The following CHRM3 variants were observed in gnomAD, a reference collection of about 807,000 sequenced individuals.
CHRM3 encodes muscarinic acetylcholine receptor M3.
CHRM3 carries 11 observed loss-of-function variants against 41.8 expected under a neutral mutation model. The observed-to-expected ratio is 0.26, with a 90% CI of 0.17 to 0.44. The LOEUF (loss-of-function observed/expected upper bound fraction) is 0.44, where lower values mean the gene tolerates loss of function less well. CHRM3 is among the 20% of genes least tolerant of loss of function. The pLI, the probability that CHRM3 is intolerant of heterozygous loss-of-function variation, is 1.00. For missense variants in CHRM3, 571 were observed against 745.4 expected (o/e 0.77, Z 2.72); for synonymous variants, 297 against 301.4 (o/e 0.99, Z 0.15).
chr1:239,723,367 T>C (rs1306036834), intron 5 of CHRM3, among the ~76,000 whole-genome samples: 1 of 151,994 alleles, frequency 6.6e-6, no homozygotes, highest in Non-Finnish European at 1.5e-5. Context: ...GTTTTGTCAA[T>C]ATTTTTCTTT....
intron 5 of CHRM3, among the ~76,000 whole-genome samples, chr1:239,750,418 T>G (rs1359812507): frequency 6.6e-6 from 1 of 152,352 alleles, no homozygotes; most frequent in South Asian, 2.1e-4. Flanking sequence ...AGAAGTCTCT[T>G]TGACAGCTTG....
At chr1:239,535,135 G>C (rs768602802) in intron 2 of CHRM3, among the ~76,000 whole-genome samples, 2 of 152,074 alleles carry the variant, frequency 1.3e-5, no homozygotes, top group African/African-American at 4.8e-5. Context: ...CTCAGAAGTG[G>C]AATTAATTCA....
intron 5 of CHRM3, among the ~76,000 whole-genome samples, chr1:239,744,772 T>C (rs999088650): frequency 6.6e-6 from 1 of 152,058 alleles, no homozygotes; most frequent in Non-Finnish European, 1.5e-5. Flanking sequence ...TCTGGGCTGG[T>C]AAATACCCAT....
chr1:239,866,261 C>T (rs1676091431), intron 6 of CHRM3, among the ~76,000 whole-genome samples: 2 of 152,044 alleles, frequency 1.3e-5, no homozygotes, highest in South Asian at 4.2e-4. Context: ...CCTGTAGTCC[C>T]AGCTACTCGG....
intron 2 of CHRM3, among the ~76,000 whole-genome samples, chr1:239,538,700 G>A (rs1338912): frequency 6.6e-6 from 1 of 152,148 alleles, no homozygotes; most frequent in African/African-American, 2.4e-5. Context: ...CAGTACAACT[G>A]GTCTTTAAAG....
intron 5 of CHRM3, among the ~76,000 whole-genome samples, chr1:239,751,585 T>A (rs1665833722): frequency 6.6e-6 from 1 of 152,308 alleles, no homozygotes; most frequent in Middle Eastern, 3.4e-3. Flanking sequence ...TACTTATGAT[T>A]TTTTAGATAC....
At chr1:239,455,070 T>TA (rs1664825489) in intron 1 of CHRM3, among the ~76,000 whole-genome samples, 1 of 152,106 alleles carries the variant, frequency 6.6e-6, no homozygotes, top group African/African-American at 2.4e-5. Context: ...TTCTACTTAT[T>TA]TTTTATTTAT....
At chr1:239,524,028 T>A (rs561763699) in intron 2 of CHRM3, among the ~76,000 whole-genome samples, 1 of 152,230 alleles carries the variant, frequency 6.6e-6, no homozygotes, top group South Asian at 2.1e-4. Flanking sequence ...TATGGTCGTC[T>A]TGTAAAATTT....
chr1:239,396,291 A>G (rs1659470780), intron 1 of CHRM3, among the ~76,000 whole-genome samples: 1 of 152,118 alleles, frequency 6.6e-6, no homozygotes, highest in Non-Finnish European at 1.5e-5. Flanking sequence ...TCAAGTATCT[A>G]GTGCAGAGTC....
intron 5 of CHRM3, among the ~76,000 whole-genome samples, chr1:239,682,810 T>C (rs1466318253): frequency 6.6e-6 from 1 of 152,158 alleles, no homozygotes; most frequent in Non-Finnish European, 1.5e-5. Context: ...TTTAGCAAAA[T>C]TTTTTTGTAT....
intron 5 of CHRM3, among the ~76,000 whole-genome samples, chr1:239,745,811 G>T (rs1005758721): frequency 6.6e-6 from 1 of 152,038 alleles, no homozygotes; most frequent in African/African-American, 2.4e-5. Context: ...TTATGCAGCT[G>T]TTACTTTTTC....
intron 4 of CHRM3, among the ~76,000 whole-genome samples, chr1:239,673,189 G>C (rs892117300): frequency 6.6e-6 from 1 of 152,146 alleles, no homozygotes; most frequent in Non-Finnish European, 1.5e-5. Flanking sequence ...GGAGAATTCT[G>C]CAGCTCAGTT....
chr1:239,700,499 A>G (rs577123307), intron 5 of CHRM3, among the ~76,000 whole-genome samples: 2 of 152,322 alleles, frequency 1.3e-5, no homozygotes, highest in Admixed American at 6.5e-5. Context: ...ATCATGAAGA[A>G]CAAATCTAAT....
intron 1 of CHRM3, among the ~76,000 whole-genome samples, chr1:239,434,069 A>G (rs1663044546): frequency 6.6e-6 from 1 of 152,170 alleles, no homozygotes; most frequent in African/African-American, 2.4e-5. Flanking sequence ...AACACATGCA[A>G]TTAATTCTTA....
intron 5 of CHRM3, among the ~76,000 whole-genome samples, chr1:239,738,471 G>T (rs111945599): frequency 6.6e-6 from 1 of 152,120 alleles, no homozygotes; most frequent in Non-Finnish European, 1.5e-5. Context: ...CCAGGCTCAG[G>T]GGGGGTTTGG....
chr1:239,585,201 A>T (rs1663287949), intron 3 of CHRM3, among the ~76,000 whole-genome samples: 1 of 152,174 alleles, frequency 6.6e-6, no homozygotes, highest in Non-Finnish European at 1.5e-5. Flanking sequence ...AAAGGATAAT[A>T]ATCTGGAAAT....
intron 1 of CHRM3, among the ~76,000 whole-genome samples, chr1:239,487,750 A>G (rs1667272603): frequency 6.6e-6 from 1 of 152,052 alleles, no homozygotes; most frequent in Admixed American, 6.6e-5. Flanking sequence ...TATCAAATGT[A>G]TAAATCTTCA....
chr1:239,880,518 CAG>C (rs912957519), intron 6 of CHRM3, among the ~76,000 whole-genome samples: 2 of 152,226 alleles, frequency 1.3e-5, no homozygotes, highest in African/African-American at 2.4e-5. Flanking sequence ...GTTTTAGAGA[CAG>C]AGTCTCACTA....
In CHRM3 at chr1:239,912,143, C is replaced by CCT. The variant is rs372408716; in HGVS notation, c.*2932_*2933dup. Reference sequence around the variant, plus strand: ...TGGAGAATCTCTCTCTCTCTCTCTGCCTCTCTCTCTCTCTTTCTCCCTCTT... The same window carrying CCT: ...TGGAGAATCTCTCTCTCTCTCTCTGCCTCTCTCTCTCTCTCTTTCTCCCTCTT... On this transcript the variant is annotated 3_prime_UTR_variant, in exon 7 of 7. Coordinates refer to ENST00000676153, the MANE Select transcript of CHRM3 (RefSeq NM_001375978.1). 6.4e-4 allele frequency: 105 copies of CCT among 164,760 alleles called. No individual in the cohort carries two copies. Among genetic ancestry groups the CCT allele is most frequent in the Admixed American group, 2.1e-3 (32 of 15,122 alleles). The allele number at this position is 164,760 out of a possible 1,614,324, so 10.2% of individuals were successfully genotyped here.
Sources: gnomAD v4.1 joint callset for allele counts (sites outside exome capture counted in the v4.1 genomes callset) on GRCh38, gnomAD v4.1.1 for gene constraint, MANE v1.5 for transcripts, NCBI Gene and HGNC (gene_info 2026-07-23, HGNC 2026-07-21) for gene names.